Variants in DLG2 observed in about 807,000 individuals in gnomAD.
DLG2 encodes discs large MAGUK scaffold protein 2, also known as disks large homolog 2.
In DLG2, 45 loss-of-function variants were observed where a neutral mutation model predicts 132.5. That is an observed-to-expected ratio of 0.34 (90% CI 0.27 to 0.44). The LOEUF (loss-of-function observed/expected upper bound fraction) is 0.44, where lower values mean the gene tolerates loss of function less well. Ranked by LOEUF, DLG2 falls within the 20% of genes least tolerant of loss-of-function variation. The probability of loss-of-function intolerance (pLI) is 1.00; values close to 1 mark genes in which losing one functional copy is unlikely to be tolerated. For synonymous variants in DLG2, 424 were observed against 419.6 expected (o/e 1.01, Z -0.13); for missense variants, 1,045 against 1,196.9 (o/e 0.87, Z 1.87).
chr11:85,093,793 A>G (rs1176528318), intron 6 of DLG2, among the ~76,000 whole-genome samples: 2 of 152,224 alleles, frequency 1.3e-5, no homozygotes, highest in Non-Finnish European at 2.9e-5. Context: ...CTACAATTCA[A>G]GATGAGATTT....
intron 11 of DLG2, among the ~76,000 whole-genome samples, chr11:84,009,272 G>A (rs1236973763): frequency 1.3e-5 from 2 of 151,680 alleles, no homozygotes; most frequent in Non-Finnish European, 2.9e-5. Context: ...ATGATATTTT[G>A]GCATTCAAGA....
chr11:85,449,395 A>G (rs2092143993), intron 3 of DLG2, among the ~76,000 whole-genome samples: 1 of 151,678 alleles, frequency 6.6e-6, no homozygotes, highest in Admixed American at 6.6e-5. Flanking sequence ...CCTTTATTTC[A>G]TTAATTTATA....
chr11:83,895,054 A>G (rs1177876661), intron 15 of DLG2, among the ~76,000 whole-genome samples: 1 of 151,882 alleles, frequency 6.6e-6, no homozygotes, highest in Non-Finnish European at 1.5e-5. Flanking sequence ...GTTTCTAAAT[A>G]CTTTAATAGG....
intron 3 of DLG2, among the ~76,000 whole-genome samples, chr11:85,401,437 G>A (rs1391083790): frequency 6.6e-6 from 1 of 152,048 alleles, no homozygotes; most frequent in Non-Finnish European, 1.5e-5. Flanking sequence ...ACAAGACAAG[G>A]ACACCCTCTC....
chr11:84,699,170 A>C (rs1327153608), intron 6 of DLG2, among the ~76,000 whole-genome samples: 2 of 151,568 alleles, frequency 1.3e-5, no homozygotes, highest in Admixed American at 6.6e-5. Flanking sequence ...GCAAATGGAT[A>C]GAATTTGTAG....
At chr11:83,525,664 G>T (rs1541891) in intron 21 of DLG2, among the ~76,000 whole-genome samples, 29,798 of 152,092 alleles carry the variant, frequency 0.2, 3,179 homozygotes, top group African/African-American at 0.22. Flanking sequence ...CCCCTGGAGT[G>T]CAGCAGTATG....
intron 3 of DLG2, among the ~76,000 whole-genome samples, chr11:85,423,872 T>C (rs2090510008): frequency 6.6e-6 from 1 of 152,054 alleles, no homozygotes; most frequent in South Asian, 2.1e-4. Flanking sequence ...CAAAAGCAAA[T>C]ATGGCTTCCC....
intron 6 of DLG2, among the ~76,000 whole-genome samples, chr11:84,749,221 C>T (rs143409773): frequency 7.0e-4 from 107 of 152,250 alleles, no homozygotes; most frequent in African/African-American, 2.3e-3. Context: ...CAATGTCTTC[C>T]TCATGTCCAA....
chr11:85,387,624 G>A (rs547935030), intron 3 of DLG2, among the ~76,000 whole-genome samples: 1 of 152,284 alleles, frequency 6.6e-6, no homozygotes, highest in South Asian at 2.1e-4. Flanking sequence ...CAAATATTTT[G>A]TTTAGGACCT....
chr11:83,551,677 C>T (rs1307173231), intron 19 of DLG2, among the ~76,000 whole-genome samples: 2 of 152,112 alleles, frequency 1.3e-5, no homozygotes, highest in Non-Finnish European at 2.9e-5. Flanking sequence ...ACTTACCCTT[C>T]TAAATCTCAT....
intron 6 of DLG2, chr11:84,936,599 T>A (rs906450492): frequency 1.3e-5 from 2 of 152,176 alleles, no homozygotes; most frequent in Non-Finnish European, 2.9e-5. Flanking sequence ...TATACACATG[T>A]ACAATAAAAA....
intron 6 of DLG2, among the ~76,000 whole-genome samples, chr11:84,934,856 T>C (rs894676647): frequency 6.6e-6 from 1 of 152,116 alleles, no homozygotes; most frequent in African/African-American, 2.4e-5. Flanking sequence ...CCATTACATC[T>C]TATTATCACT....
intron 4 of DLG2, among the ~76,000 whole-genome samples, chr11:85,197,086 A>C (rs970701423): frequency 3.3e-5 from 5 of 152,212 alleles, no homozygotes; most frequent in African/African-American, 4.8e-5. Context: ...ATGGCTTGTG[A>C]AATGTGGTTT....
intron 11 of DLG2, among the ~76,000 whole-genome samples, chr11:84,022,270 C>T (rs1035486901): frequency 2.6e-5 from 4 of 152,102 alleles, no homozygotes; most frequent in African/African-American, 9.7e-5. Context: ...ATCAAACAAA[C>T]AAAACCAGAA....
intron 3 of DLG2, among the ~76,000 whole-genome samples, chr11:85,379,871 A>G (rs2085733226): frequency 6.6e-6 from 1 of 152,234 alleles, no homozygotes; most frequent in African/African-American, 2.4e-5. Flanking sequence ...AATAATTTCA[A>G]TTCCAAAAAT....
chr11:84,225,736 T>C (rs149102695), intron 8 of DLG2, among the ~76,000 whole-genome samples: 4 of 152,206 alleles, frequency 2.6e-5, no homozygotes, highest in Non-Finnish European at 4.4e-5. Context: ...TCACACTCTA[T>C]ATAGAGAAGG....
At chr11:83,986,223 C>T (rs993244029) in intron 11 of DLG2, among the ~76,000 whole-genome samples, 12 of 148,304 alleles carry the variant, frequency 8.1e-5, no homozygotes, top group Non-Finnish European at 1.6e-4. Context: ...CCACACCCCA[C>T]AACAGTCCCC....
chr11:85,242,753 G>A (rs1389268418), intron 4 of DLG2, among the ~76,000 whole-genome samples: 1 of 151,254 alleles, frequency 6.6e-6, no homozygotes, highest in Non-Finnish European at 1.5e-5. Flanking sequence ...TATTCTATCT[G>A]TTGAGTTTTG....
At chr11:85,455,849 T>G (rs913426372) in intron 3 of DLG2, among the ~76,000 whole-genome samples, 1 of 152,168 alleles carries the variant, frequency 6.6e-6, no homozygotes, top group African/African-American at 2.4e-5. Flanking sequence ...TGAGCCAAGC[T>G]TGCATCCCAG....
Sources: gnomAD v4.1 joint callset for allele counts (sites outside exome capture counted in the v4.1 genomes callset) on GRCh38, gnomAD v4.1.1 for gene constraint, MANE v1.5 for transcripts, NCBI Gene and HGNC (gene_info 2026-07-23, HGNC 2026-07-21) for gene names.